The following ZKSCAN5 variants were observed in gnomAD, a reference collection of about 807,000 sequenced individuals.
ZKSCAN5 encodes zinc finger protein with KRAB and SCAN domains 5.
In ZKSCAN5, 28 loss-of-function variants were observed where a neutral mutation model predicts 60.0. That is an observed-to-expected ratio of 0.47 (90% CI 0.35 to 0.64). The LOEUF (loss-of-function observed/expected upper bound fraction) is 0.64. Among genes scored for constraint, ZKSCAN5 ranks in the 30% least tolerant of loss-of-function variants. The probability of loss-of-function intolerance (pLI) is 0.01; values close to 1 mark genes in which losing one functional copy is unlikely to be tolerated. For synonymous variants in ZKSCAN5, 361 were observed against 371.2 expected (o/e 0.97, Z 0.31); for missense variants, 881 against 1,034.6 (o/e 0.85, Z 2.04).
chr7:99,511,102 A>G (rs1174944916), intron 2 of ZKSCAN5, among the ~76,000 whole-genome samples: 1 of 152,090 alleles, frequency 6.6e-6, no homozygotes, highest in Non-Finnish European at 1.5e-5. Flanking sequence ...GGAGGATTCG[A>G]AAAAAAAGTG....
Position 99,512,610 on chromosome 7 carries a change from G to A in ZKSCAN5, c.553+19G>A. ...GAAAATGGTGAGGCTCAGTGATTCAGTGGAACTGATATAGCTCAAGAGTGG... is the reference window on the plus strand; with the variant it reads ...GAAAATGGTGAGGCTCAGTGATTCAATGGAACTGATATAGCTCAAGAGTGG... On this transcript the variant is annotated intron_variant, in intron 3 of 6. Transcript: ENST00000326775. The A allele has an allele frequency of 6.2e-7, 1 of 1,611,986 alleles. No individual in the cohort carries two copies. Among genetic ancestry groups the A allele is most frequent in the Non-Finnish European group, 8.5e-7 (1 of 1,178,938 alleles).
intron 3 of ZKSCAN5, among the ~76,000 whole-genome samples, chr7:99,518,744 C>T (rs1477601645): frequency 1.5e-4 from 18 of 119,154 alleles, no homozygotes; most frequent in Admixed American, 2.0e-4. Flanking sequence ...GGTGTGATCT[C>T]GGCTCATTGC....
Position 99,532,811 on chromosome 7 carries a change from G to C in ZKSCAN5, c.*562G>C, listed in dbSNP as rs541612389. The C allele has an allele frequency of 6.5e-6, 1 of 154,998 alleles. No homozygotes were observed. The highest frequency in any genetic ancestry group is 1.9e-4 in the East Asian group (1 of 5,290). 9.6% of individuals were successfully genotyped at this position (154,998 alleles called of 1,614,324 possible). On this transcript the variant is annotated 3_prime_UTR_variant, in exon 7 of 7. Coordinates refer to ENST00000326775, the MANE Select transcript of ZKSCAN5 (RefSeq NM_145102.4). ...AAAGAAATGGACTTAAAGTATCTCT[G>C]TTTTGGCAAAATTCAGGTTCAGGGG...
intron 5 of ZKSCAN5, among the ~76,000 whole-genome samples, chr7:99,520,723 G>T (rs1467813177): frequency 1.3e-5 from 2 of 152,132 alleles, no homozygotes; most frequent in Non-Finnish European, 2.9e-5. Flanking sequence ...AATTTTGCCA[G>T]GTGTGGTAGC....
At chr7:99,513,919 C>G (rs970664600) in intron 3 of ZKSCAN5, 1 of 156,832 alleles carries the variant, frequency 6.4e-6, no homozygotes, top group Non-Finnish European at 1.4e-5. Flanking sequence ...GTGGTGCGTG[C>G]CTGTAATCCC....
In ZKSCAN5 at chr7:99,531,554, T is replaced by G. The variant is rs763756577; in HGVS notation, c.1825T>G (p.Leu609Val). 1 of 1,614,160 alleles carries G rather than the reference T, an allele frequency of 6.2e-7. No homozygotes were observed. Among genetic ancestry groups the G allele is most frequent in the Non-Finnish European group, 8.5e-7 (1 of 1,180,028 alleles). Residue 609 changes from leucine to valine, a missense_variant, in exon 7 of 7, where the codon TTA becomes GTA. By Grantham distance (32) the Leu-to-Val change is conservative. Coordinates refer to ENST00000326775, the MANE Select transcript of ZKSCAN5 (RefSeq NM_145102.4). ...HTGEKPYTCP[L>V]CGKAFRVRSH... is the part of the protein sequence containing the mutation. ...AGGTGAGAAGCCCTACACCTGTCCC[T>G]TATGTGGGAAAGCCTTCAGAGTGAG... is the stretch of plus-strand genomic sequence containing the variant.
chr7:99,505,725 A>G (rs1056082658), intron 1 of ZKSCAN5: 1 of 241,234 alleles, frequency 4.1e-6, no homozygotes, highest in African/African-American at 2.2e-5. Context: ...TTCACTCTAA[A>G]ACTGTGTTTT....
intron 6 of ZKSCAN5, among the ~76,000 whole-genome samples, chr7:99,527,357 A>G (rs913598085): frequency 1.3e-5 from 2 of 152,162 alleles, no homozygotes; most frequent in Non-Finnish European, 2.9e-5. Context: ...ACAAACACAA[A>G]CCCAATAAAA....
In ZKSCAN5 at chr7:99,511,474, T is replaced by TG. The variant is rs1327195588; in HGVS notation, c.415-978dup. Among the ~76,000 whole-genome samples the TG allele has an allele frequency of 3.9e-5, 6 of 152,266 alleles. No homozygotes were observed. The East Asian group carries it at 1.2e-3, about 29-fold the overall frequency. Reference sequence around the variant, plus strand: ...TTCTTTCTTTTTTGAGACAGGGTCTTGCTCTGTCACCAAGGCTAGAGTGCA... The same window carrying TG: ...TTCTTTCTTTTTTGAGACAGGGTCTTGGCTCTGTCACCAAGGCTAGAGTGCA... On this transcript the variant is annotated intron_variant, in intron 2 of 6. Coordinates refer to ENST00000326775, the MANE Select transcript of ZKSCAN5 (RefSeq NM_145102.4).
At chr7:99,509,380 T>A (rs746675156) in intron 2 of ZKSCAN5, among the ~76,000 whole-genome samples, 10 of 152,124 alleles carry the variant, frequency 6.6e-5, no homozygotes, top group Non-Finnish European at 1.2e-4. Flanking sequence ...TGCCTTGGCC[T>A]CCCAAAGTGC....
At chr7:99,510,813 T>C (rs1800986471) in intron 2 of ZKSCAN5, among the ~76,000 whole-genome samples, 1 of 151,682 alleles carries the variant, frequency 6.6e-6, no homozygotes, top group Non-Finnish European at 1.5e-5. Flanking sequence ...CAATCTCAGC[T>C]CACTGCACTC....
rs777317603 is a variant in ZKSCAN5, at chr7:99,531,332, G to A, written c.1603G>A (p.Val535Ile). Residue 535 changes from valine to isoleucine, a missense_variant, in exon 7 of 7, where the codon GTC becomes ATC. Val to Ile is a conservative substitution (Grantham distance 29). Transcript: ENST00000326775. The stretch of plus-strand genomic sequence containing the variant: ...TTCAAAGAGGATGAACTACAGTGAA[G>A]TCCCATATGTCCACAAAAAATCCTC... ...PSSKRMNYSE[V>I]PYVHKKSSTG... The A allele has an allele frequency of 6.8e-6, 11 of 1,614,178 alleles. No homozygotes were observed. In the South Asian group the frequency reaches 9.9e-5, roughly 14 times the overall value.
Position 99,532,832 on chromosome 7 carries a change from A to C in ZKSCAN5, c.*583A>C, listed in dbSNP as rs936358033. ...CTCTGTTTTGGCAAAATTCAGGTTC[A>C]GGGGCTGGATGGTATGTGTTTCTGC... is the stretch of plus-strand genomic sequence containing the variant. On this transcript the variant is annotated 3_prime_UTR_variant, in exon 7 of 7. Coordinates refer to ENST00000326775, the MANE Select transcript of ZKSCAN5 (RefSeq NM_145102.4). 6.4e-6 allele frequency: 1 copy of C among 155,164 alleles called. No individual in the cohort carries two copies. The allele number at this position is 155,164 out of a possible 1,614,324, so 9.6% of individuals were successfully genotyped here.
Position 99,506,151 on chromosome 7 carries a change from C to T in ZKSCAN5, c.107C>T (p.Thr36Ile). Residue 36 changes from threonine (T) to isoleucine (I), a missense_variant, in exon 2 of 7, where the codon ACC becomes ATC. Transcript: ENST00000326775. ...FIVKVEEEDCTWMQEYNPPTF... is the reference protein window; with the variant it reads ...FIVKVEEEDCIWMQEYNPPTF... ...GTGAAGGTGGAAGAAGAAGACTGCA[C>T]CTGGATGCAGGAGTACAACCCGCCA... 1 of 1,614,156 alleles carries T rather than the reference C, an allele frequency of 6.2e-7. No individual in the cohort carries two copies. Among genetic ancestry groups the T allele is most frequent in the Admixed American group, 1.7e-5 (1 of 60,004 alleles).
At chr7:99,512,959 C>T (rs1336641589) in intron 3 of ZKSCAN5, among the ~76,000 whole-genome samples, 1 of 145,720 alleles carries the variant, frequency 6.9e-6, no homozygotes, top group East Asian at 2.0e-4. Flanking sequence ...GTATATCTCC[C>T]AATGCTATCC....
Position 99,505,849 on chromosome 7 carries a change from T to G in ZKSCAN5, c.-40-156T>G, listed in dbSNP as rs1584158161. 43 of 564,336 alleles carry G rather than the reference T, an allele frequency of 7.6e-5. No individual in the cohort carries two copies. The East Asian group carries it at 1.3e-3, about 18-fold the overall frequency. The allele number at this position is 564,336 out of a possible 1,614,324, so 35.0% of individuals were successfully genotyped here. The stretch of plus-strand genomic sequence containing the variant: ...TGATGGCTACCTTGTAGTACCTATT[T>G]TTAAGTAAATTACTTTGTTGAGTGG... On this transcript the variant is annotated intron_variant, in intron 1 of 6. Transcript: ENST00000326775.
intron 1 of ZKSCAN5, 30 bp from the exon 2 acceptor site, chr7:99,505,975 T>C (rs1287950131): frequency 1.3e-6 from 2 of 1,545,470 alleles, no homozygotes; most frequent in Non-Finnish European, 8.8e-7. Context: ...CTTCAGAAGA[T>C]ATTAAAGAGC....
intron 5 of ZKSCAN5, among the ~76,000 whole-genome samples, chr7:99,525,287 C>A (rs1801725836): frequency 6.6e-6 from 1 of 151,902 alleles, no homozygotes; most frequent in Non-Finnish European, 1.5e-5. Flanking sequence ...GCATGGGCAA[C>A]ATAATGAGAC....
intron 3 of ZKSCAN5, among the ~76,000 whole-genome samples, chr7:99,519,520 G>A (rs1220609794): frequency 6.6e-6 from 1 of 151,704 alleles, no homozygotes; most frequent in Non-Finnish European, 1.5e-5. Context: ...CAAGTGATCT[G>A]CCCCCCTTGA....
Sources: gnomAD v4.1 joint callset for allele counts (sites outside exome capture counted in the v4.1 genomes callset) on GRCh38, gnomAD v4.1.1 for gene constraint, MANE v1.5 for transcripts, NCBI Gene and HGNC (gene_info 2026-07-23, HGNC 2026-07-21) for gene names.